The following SRBD1 variants were observed in gnomAD, a reference collection of about 807,000 sequenced individuals.
The protein encoded by SRBD1 is S1 RNA binding domain 1.
A neutral mutation model predicts 115.3 loss-of-function variants in SRBD1; 88 were observed. The ratio of observed to expected loss-of-function variants is 0.76; its 90% CI spans 0.64 to 0.91. The LOEUF (loss-of-function observed/expected upper bound fraction) is 0.91, where lower values mean the gene tolerates loss of function less well. Among genes scored for constraint, SRBD1 ranks in the 40% least tolerant of loss-of-function variants. The pLI is 0.00. For missense variants in SRBD1, 1,385 were observed against 1,177.4 expected (o/e 1.18, Z -2.58); for synonymous variants, 509 against 407.7 (o/e 1.25, Z -2.99).
intron 16 of SRBD1, among the ~76,000 whole-genome samples, chr2:45,433,886 C>A (rs187625560): frequency 6.6e-6 from 1 of 152,122 alleles, no homozygotes; most frequent in Non-Finnish European, 1.5e-5. Flanking sequence ...TTTGTAGATG[C>A]ATAAACTTGT....
At chr2:45,452,685 T>C (rs1669030682) in intron 16 of SRBD1, among the ~76,000 whole-genome samples, 1 of 152,026 alleles carries the variant, frequency 6.6e-6, no homozygotes, top group South Asian at 2.1e-4. Context: ...ATAGCATTCA[T>C]AGATCTTCCT....
At chr2:45,518,620 A>G (rs1337271910) in intron 14 of SRBD1, among the ~76,000 whole-genome samples, 2 of 152,222 alleles carry the variant, frequency 1.3e-5, no homozygotes, top group East Asian at 1.9e-4. Context: ...TTACATTTAT[A>G]CAACATGTTT....
intron 14 of SRBD1, among the ~76,000 whole-genome samples, chr2:45,525,151 A>C (rs1221762430): frequency 6.6e-6 from 1 of 152,064 alleles, no homozygotes; most frequent in Non-Finnish European, 1.5e-5. Context: ...AAATCTGTCA[A>C]TAACTAAATG....
At chr2:45,508,342 T>C (rs1444699931) in intron 14 of SRBD1, among the ~76,000 whole-genome samples, 1 of 152,194 alleles carries the variant, frequency 6.6e-6, no homozygotes, top group Non-Finnish European at 1.5e-5. Context: ...GATTTTCCGG[T>C]GCTGGAAATT....
chr2:45,554,571 G>A (rs1678730409), intron 10 of SRBD1, among the ~76,000 whole-genome samples: 1 of 152,072 alleles, frequency 6.6e-6, no homozygotes, highest in South Asian at 2.1e-4. Flanking sequence ...TATGTAATGA[G>A]GACTATAAAT....
At chr2:45,538,097 G>C (rs974910038) in intron 14 of SRBD1, among the ~76,000 whole-genome samples, 5 of 152,186 alleles carry the variant, frequency 3.3e-5, no homozygotes, top group African/African-American at 9.7e-5. Context: ...GATGAGAATG[G>C]CTGGTCTGAA....
chr2:45,513,776 G>A (rs1358204788), intron 14 of SRBD1, among the ~76,000 whole-genome samples: 2 of 143,038 alleles, frequency 1.4e-5, no homozygotes, highest in African/African-American at 5.4e-5. Context: ...ATTCGGTCTT[G>A]TTCAAAACAG....
Position 45,488,255 on chromosome 2 carries a change from T to C in SRBD1, c.1951A>G (p.Asn651Asp). 2 of 1,613,952 alleles carry C rather than the reference T, an allele frequency of 1.2e-6. No individual in the cohort carries two copies. Among genetic ancestry groups the C allele is most frequent in the Non-Finnish European group, 1.7e-6 (2 of 1,179,906 alleles). ...AGTTTCTTACCTGCACTTCTCAAAT[T>C]AGGGTCCAGCCCTGGCATCTCTTTG... is the stretch of plus-strand genomic sequence containing the variant. ...ANKEMPGLDP[N>D]LRSAVSIARR... Residue 651 changes from asparagine to aspartate, a missense_variant, in exon 15 of 21, where the codon AAT (asparagine) becomes GAT (aspartate). Physicochemically the swap from Asn to Asp is conservative, Grantham distance 23. Transcript: ENST00000263736.
intron 15 of SRBD1, among the ~76,000 whole-genome samples, chr2:45,477,944 T>G (rs1669852309): frequency 6.8e-6 from 1 of 146,030 alleles, no homozygotes; most frequent in African/African-American, 2.6e-5. Context: ...GTCATGATTT[T>G]ACTTGTTCGT....
chr2:45,422,629 T>G (rs1275109586), intron 16 of SRBD1, among the ~76,000 whole-genome samples: 1 of 152,208 alleles, frequency 6.6e-6, no homozygotes, highest in Non-Finnish European at 1.5e-5. Flanking sequence ...AGGTATTTGG[T>G]TCACTGATAA....
At chr2:45,524,289 G>C (rs1671374918) in intron 14 of SRBD1, among the ~76,000 whole-genome samples, 1 of 152,006 alleles carries the variant, frequency 6.6e-6, no homozygotes, top group African/African-American at 2.4e-5. Context: ...CTGCATTGAA[G>C]CTTCTAGCTA....
At chr2:45,432,999 C>G (rs1320599927) in intron 16 of SRBD1, among the ~76,000 whole-genome samples, 1 of 152,124 alleles carries the variant, frequency 6.6e-6, no homozygotes, top group Non-Finnish European at 1.5e-5. Context: ...AGATGAAACA[C>G]TGTGGACTAC....
chr2:45,487,013 C>T (rs1175644067), intron 15 of SRBD1, among the ~76,000 whole-genome samples: 1 of 152,106 alleles, frequency 6.6e-6, no homozygotes, highest in Non-Finnish European at 1.5e-5. Flanking sequence ...TAAGAAGCAG[C>T]TTCCCAGGAG....
chr2:45,583,814 C>G (rs911933116), intron 5 of SRBD1, among the ~76,000 whole-genome samples: 1 of 152,066 alleles, frequency 6.6e-6, no homozygotes, highest in Admixed American at 6.5e-5. Flanking sequence ...GTCAATGCCC[C>G]CACTTACTTC....
At chr2:45,444,826 A>AAAGC (rs1254440709) in intron 16 of SRBD1, among the ~76,000 whole-genome samples, 2 of 152,232 alleles carry the variant, frequency 1.3e-5, no homozygotes, top group Non-Finnish European at 2.9e-5. Context: ...AGTAAGAGAC[A>AAAGC]AAGCCTCTGG....
At chr2:45,417,839 T>G (rs1443231588) in intron 18 of SRBD1, among the ~76,000 whole-genome samples, 1 of 152,180 alleles carries the variant, frequency 6.6e-6, no homozygotes, top group Non-Finnish European at 1.5e-5. Flanking sequence ...TGTCACCTCA[T>G]CTTGTACCAG....
intron 16 of SRBD1, among the ~76,000 whole-genome samples, chr2:45,436,305 C>T (rs1668496641): frequency 6.6e-6 from 1 of 152,146 alleles, no homozygotes; most frequent in African/African-American, 2.4e-5. Context: ...GCTAACATAA[C>T]ATTTAATGGT....
chr2:45,437,965 ATC>A (rs1223926119), intron 16 of SRBD1, among the ~76,000 whole-genome samples: 1 of 152,204 alleles, frequency 6.6e-6, no homozygotes, highest in Admixed American at 6.5e-5. Flanking sequence ...ATAGGTTATT[ATC>A]TGTTTGTCTA....
At position 45,591,104 on chromosome 2, in the gene SRBD1, T is replaced by C. The variant is rs541394341; in HGVS notation, c.649-5330A>G. On this transcript the variant is annotated intron_variant, in intron 4 of 20. Transcript: ENST00000263736. ...TGAAAATGGACAAATACAGGAGTCA[T>C]GCAGCTGGAGGCTTCAGGATTTTAA... 2.6e-5 allele frequency among the ~76,000 whole-genome samples: 4 copies of C among 152,264 alleles called. No individual in the cohort carries two copies. In the South Asian group the frequency reaches 8.3e-4, roughly 32 times the overall value.
Sources: gnomAD v4.1 joint callset for allele counts (sites outside exome capture counted in the v4.1 genomes callset) on GRCh38, gnomAD v4.1.1 for gene constraint, MANE v1.5 for transcripts, NCBI Gene and HGNC (gene_info 2026-07-23, HGNC 2026-07-21) for gene names.